The following PCDH11Y variants were observed in gnomAD, a reference collection of about 807,000 sequenced individuals.
PCDH11Y encodes the protein protocadherin 11 Y-linked.
For missense variants in PCDH11Y, 12 were observed against 224.8 expected (o/e 0.05, Z 6.05); for synonymous variants, 9 against 83.6 (o/e 0.11, Z 4.87).
intron 2 of PCDH11Y, among the ~76,000 whole-genome samples, chrY:5,345,363 T>C: frequency 3.0e-5 from 1 of 33,676 alleles, no homozygotes; most frequent in Non-Finnish European, 7.3e-5. Context: ...AAAACACTTA[T>C]CTATAGTGTA....
intron 2 of PCDH11Y, among the ~76,000 whole-genome samples, chrY:5,188,753 A>G (rs2052909083): frequency 3.0e-5 from 1 of 33,624 alleles, no homozygotes; most frequent in Non-Finnish European, 7.5e-5. Context: ...TTTAGGGGCA[A>G]ATTTAACCAA....
At chrY:5,408,652 G>T in intron 2 of PCDH11Y, among the ~76,000 whole-genome samples, 1 of 32,656 alleles carries the variant, frequency 3.1e-5, no homozygotes, top group Non-Finnish European at 7.4e-5. Flanking sequence ...TGTTGGCCAG[G>T]CTGGTCTCGA....
chrY:5,228,298 T>A (rs2124653433), intron 2 of PCDH11Y, among the ~76,000 whole-genome samples: 2 of 27,329 alleles, frequency 7.3e-5, no homozygotes, highest in Admixed American at 7.1e-4. Flanking sequence ...CATTTCTGAT[T>A]TTATTTATTT....
intron 1 of PCDH11Y, among the ~76,000 whole-genome samples, chrY:5,060,580 A>T: frequency 3.4e-5 from 1 of 29,463 alleles, no homozygotes; most frequent in East Asian, 8.9e-4. Flanking sequence ...ATAATGTATT[A>T]TGCTTATCAT....
intron 2 of PCDH11Y, among the ~76,000 whole-genome samples, chrY:5,420,904 TA>T (rs199715244): frequency 1.4e-3 from 33 of 24,209 alleles, no homozygotes; most frequent in African/African-American, 3.5e-3. Context: ...TAATAATAAT[TA>T]AAAAAAAAAA....
At chrY:5,228,052 C>CT (rs2052962941) in intron 2 of PCDH11Y, among the ~76,000 whole-genome samples, 2 of 27,583 alleles carry the variant, frequency 7.3e-5, no homozygotes, top group African/African-American at 2.8e-4. Context: ...GGGTCCCAGG[C>CT]TTTTTTTTTT....
chrY:5,713,332 A>C, intron 4 of PCDH11Y, among the ~76,000 whole-genome samples: 2 of 32,969 alleles, frequency 6.1e-5, no homozygotes, highest in Non-Finnish European at 1.5e-4. Flanking sequence ...GTCAAATTGT[A>C]AATTAAGCCC....
rs2124675079 is a variant in PCDH11Y, at chrY:5,385,329, G to A, written c.3130-115728G>A. Among the ~76,000 whole-genome samples, 5 of 28,921 alleles carry A rather than the reference G, an allele frequency of 1.7e-4. No homozygotes were observed. The South Asian group carries it at 2.5e-3, about 14-fold the overall frequency. The allele number at this position is 28,921 out of a possible 37,273, so 77.6% of individuals were successfully genotyped here. A position where few individuals can be genotyped will look rare whatever the true frequency, so the allele number is the denominator to read the frequency against. On this transcript the variant is annotated intron_variant, in intron 2 of 4. Transcript: ENST00000400457. ...CCTTTCCCCCTGAGTCCCAAAGTCCGCTGCATTATTCTTATGCCTCTGCAT... is the reference window on the plus strand; with the variant it reads ...CCTTTCCCCCTGAGTCCCAAAGTCCACTGCATTATTCTTATGCCTCTGCAT...
At chrY:5,242,324 A>G in intron 2 of PCDH11Y, among the ~76,000 whole-genome samples, 1 of 22,261 alleles carries the variant, frequency 4.5e-5, no homozygotes, top group Non-Finnish European at 9.9e-5. Context: ...AGAATTACCA[A>G]AAAGTGACAT....
intron 2 of PCDH11Y, among the ~76,000 whole-genome samples, chrY:5,360,461 C>T (rs207480306): frequency 3.2e-5 from 1 of 30,945 alleles, no homozygotes; most frequent in Non-Finnish European, 7.7e-5. Context: ...TGCCAATCTT[C>T]GATAATGAGA....
chrY:5,627,102 C>T, intron 4 of PCDH11Y, among the ~76,000 whole-genome samples: 1 of 31,213 alleles, frequency 3.2e-5, no homozygotes, highest in African/African-American at 1.3e-4. Flanking sequence ...AAGAGATTCT[C>T]CTGCCTCAGC....
chrY:5,136,871 A>C (rs1364586159), intron 2 of PCDH11Y, among the ~76,000 whole-genome samples: 2 of 33,779 alleles, frequency 5.9e-5, no homozygotes, highest in Non-Finnish European at 1.5e-4. Flanking sequence ...CCTGAGAAAG[A>C]AGAGAAATCT....
chrY:5,274,349 T>C (rs2053041410), intron 2 of PCDH11Y, among the ~76,000 whole-genome samples: 1 of 33,307 alleles, frequency 3.0e-5, no homozygotes, highest in Admixed American at 2.8e-4. Flanking sequence ...GCGTTGTTTT[T>C]TGTTTGTTTG....
chrY:5,238,758 G>A, intron 2 of PCDH11Y, among the ~76,000 whole-genome samples: 1 of 32,822 alleles, frequency 3.0e-5, no homozygotes, highest in Non-Finnish European at 7.5e-5. Flanking sequence ...TCAACAAGTG[G>A]GTGAAGGATA....
intron 3 of PCDH11Y, among the ~76,000 whole-genome samples, chrY:5,035,547 G>A (rs2124622170): frequency 3.1e-5 from 1 of 32,305 alleles, no homozygotes; most frequent in African/African-American, 1.2e-4. Context: ...TTCAACACGT[G>A]CTGGATTACA....
chrY:5,327,195 C>G lies in PCDH11Y; in HGVS notation c.3130-173862C>G, dbSNP rs1602905036. Among the ~76,000 whole-genome samples, 25 of 33,185 alleles carry G rather than the reference C, an allele frequency of 7.5e-4. No individual in the cohort carries two copies. In the East Asian group the frequency reaches 0.011, roughly 14 times the overall value. The allele number at this position is 33,185 out of a possible 37,273, so 89.0% of individuals were successfully genotyped here. ...GCCCAGGTAATTTGCTGGGCCTAATCGGTGTCAGGGTCAATCCAAGTGAAA... is the reference window on the plus strand; with the variant it reads ...GCCCAGGTAATTTGCTGGGCCTAATGGGTGTCAGGGTCAATCCAAGTGAAA... On this transcript the variant is annotated intron_variant, in intron 2 of 4. Coordinates refer to the PCDH11Y transcript ENST00000400457.
chrY:5,139,050 C>T, intron 2 of PCDH11Y, among the ~76,000 whole-genome samples: 1 of 33,517 alleles, frequency 3.0e-5, no homozygotes, highest in African/African-American at 1.2e-4. Flanking sequence ...ACCACGATCA[C>T]GTGGGTTTTA....
intron 2 of PCDH11Y, among the ~76,000 whole-genome samples, chrY:5,499,906 G>C: frequency 9.2e-5 from 3 of 32,491 alleles, no homozygotes; most frequent in Non-Finnish European, 1.5e-4. Flanking sequence ...TTAAGTAGGG[G>C]GTGCTCAAAT....
In PCDH11Y at chrY:5,390,772, G is replaced by A. The variant is rs2124675857; in HGVS notation, c.3130-110285G>A. On this transcript the variant is annotated intron_variant, in intron 2 of 4. Coordinates refer to the PCDH11Y transcript ENST00000400457. ...TTGGCTAAAAAAGTGAAACTGACAA[G>A]GATATCATTTGCATTACATAAAGTT... Among the ~76,000 whole-genome samples the A allele has an allele frequency of 2.1e-4, 7 of 32,742 alleles. No homozygotes were observed. The South Asian group carries it at 4.6e-3, about 22-fold the overall frequency. The allele number at this position is 32,742 out of a possible 37,273, so 87.8% of individuals were successfully genotyped here.
Sources: allele counts gnomAD v4.1 joint callset (sites outside exome capture counted in the v4.1 genomes callset), GRCh38; gene constraint gnomAD v4.1.1; transcripts MANE v1.5; gene names NCBI Gene and HGNC (gene_info 2026-07-23, HGNC 2026-07-21).